The following SRSF4 variants were observed in gnomAD, a reference collection of about 807,000 sequenced individuals.
SRSF4 encodes serine/arginine-rich splicing factor 4.
Under a neutral mutation model 48.8 loss-of-function variants are expected in SRSF4, and 12 were observed. The ratio of observed to expected loss-of-function variants is 0.25; its 90% confidence interval spans 0.16 to 0.40. SRSF4 has a LOEUF of 0.40. Ranked by LOEUF, SRSF4 falls within the 10% of genes least tolerant of loss-of-function variation. SRSF4 has a pLI of 1.00. For missense variants in SRSF4, 466 were observed against 667.1 expected (o/e 0.70, Z 3.32); for synonymous variants, 248 against 232.5 (o/e 1.07, Z -0.61).
chr1:29,156,608 G>T (rs903856838), intron 3 of SRSF4, among the ~76,000 whole-genome samples: 2 of 152,140 alleles, frequency 1.3e-5, no homozygotes, highest in Non-Finnish European at 2.9e-5. Context: ...GGCAGAACCA[G>T]GATTCTATTC....
chr1:29,163,604 A>C (rs1357444776), intron 1 of SRSF4, among the ~76,000 whole-genome samples: 3 of 152,240 alleles, frequency 2.0e-5, no homozygotes, highest in Non-Finnish European at 4.4e-5. Context: ...TTAAGACAGA[A>C]GACTAGATAA....
chr1:29,161,623 CAG>C (rs1035439418), intron 1 of SRSF4, among the ~76,000 whole-genome samples: 1 of 152,188 alleles, frequency 6.6e-6, no homozygotes, highest in Non-Finnish European at 1.5e-5. Context: ...TTTTTTGAGA[CAG>C]AGTCTCGCTG....
intron 1 of SRSF4, among the ~76,000 whole-genome samples, chr1:29,178,510 C>CT (rs973205827): frequency 1.2e-4 from 18 of 151,764 alleles, no homozygotes; most frequent in African/African-American, 3.4e-4. Context: ...TGCCCGGCTA[C>CT]TTTTTTTTAA....
intron 3 of SRSF4, among the ~76,000 whole-genome samples, chr1:29,156,872 G>T (rs1672508512): frequency 6.6e-6 from 1 of 152,152 alleles, no homozygotes; most frequent in African/African-American, 2.4e-5. Context: ...AAGGCTCAGA[G>T]TTCTGGTCTC....
chr1:29,165,120 A>G (rs1012226291), intron 1 of SRSF4, among the ~76,000 whole-genome samples: 1 of 152,198 alleles, frequency 6.6e-6, no homozygotes, highest in Non-Finnish European at 1.5e-5. Flanking sequence ...CTCTGGTCAC[A>G]TTCTATCCTC....
At chr1:29,154,281 T>C (rs1330744584) in intron 4 of SRSF4, among the ~76,000 whole-genome samples, 1 of 152,042 alleles carries the variant, frequency 6.6e-6, no homozygotes, top group Non-Finnish European at 1.5e-5. Flanking sequence ...GCCAGGCTGG[T>C]CTCGACTCCT....
Position 29,157,683 on chromosome 1 carries a change from G to A in SRSF4, c.363+1691C>T, listed in dbSNP as rs558425581. ...TTAAATTAAACTATACAAATGTAAA[G>A]GATTCCTAACTATTCTTTCCTGAAC... On this transcript the variant is annotated intron_variant, in intron 3 of 5. Transcript: ENST00000373795. Among the ~76,000 whole-genome samples, 35 of 152,260 alleles carry A rather than the reference G, an allele frequency of 2.3e-4. 1 individual carries two copies. In the South Asian group the frequency reaches 4.8e-3, roughly 21 times the overall value.
At chr1:29,150,028 A>C (rs975349076) in intron 5 of SRSF4, 75 bp downstream of exon 5, 51 of 1,333,080 alleles carry the variant, frequency 3.8e-5, no homozygotes. Flanking sequence ...TCTTTGAAAA[A>C]AAAAAGAAAA....
At chr1:29,162,916 GTGATGCTTCTGTCAGA>G (rs1418439695) in intron 1 of SRSF4, among the ~76,000 whole-genome samples, 3 of 152,220 alleles carry the variant, frequency 2.0e-5, no homozygotes, top group Non-Finnish European at 4.4e-5. Context: ...CTGATGGCAA[GTGATGCTTCTGTCAGA>G]CCTACATGGT....
Position 29,148,574 on chromosome 1 carries a change from G to T in SRSF4, c.1321C>A (p.Arg441=). 1.9e-6 allele frequency: 3 copies of T among 1,614,024 alleles called. No individual in the cohort carries two copies. Among genetic ancestry groups the T allele is most frequent in the Non-Finnish European group, 2.5e-6 (3 of 1,180,004 alleles). ...SENAGTNQET[R]SRSRSNSKSK... ...TTGGAATTGGATCTCGACCTGGACCGGGTCTCCTGATTGGTGCCAGCATTC... is the reference window on the plus strand; with the variant it reads ...TTGGAATTGGATCTCGACCTGGACCTGGTCTCCTGATTGGTGCCAGCATTC... Residue 441 remains arginine (R), a synonymous_variant, in exon 6 of 6, where the codon CGG becomes AGG. Transcript: ENST00000373795.
At chr1:29,166,605 A>G (rs545742352) in intron 1 of SRSF4, 3 of 152,348 alleles carry the variant, frequency 2.0e-5, no homozygotes, top group African/African-American at 7.2e-5. Context: ...ACCACATGAA[A>G]TGGGTTCCTG....
chr1:29,177,581 C>T (rs1672889297), intron 1 of SRSF4, among the ~76,000 whole-genome samples: 1 of 152,046 alleles, frequency 6.6e-6, no homozygotes, highest in Non-Finnish European at 1.5e-5. Context: ...CGTGCCAGGC[C>T]CTTGCAGTGA....
At chr1:29,158,748 C>T (rs970947986) in intron 3 of SRSF4, among the ~76,000 whole-genome samples, 5 of 152,268 alleles carry the variant, frequency 3.3e-5, no homozygotes, top group South Asian at 2.1e-4. Flanking sequence ...CGAGACCAGT[C>T]GGGGTAACAT....
At chr1:29,176,768 A>G (rs556115376) in intron 1 of SRSF4, among the ~76,000 whole-genome samples, 1 of 152,336 alleles carries the variant, frequency 6.6e-6, no homozygotes, top group Admixed American at 6.5e-5. Context: ...AACAAGGGCG[A>G]AAACAAAAAT....
At position 29,181,741 on chromosome 1, in the gene SRSF4, C is replaced by T. The variant is rs1672961749; in HGVS notation, c.12G>A (p.Val4=). The change falls in exon 1 of 6, where the codon GTG becomes GTA. Residue 4 remains valine, a synonymous_variant. Transcript: ENST00000373795. Reference sequence around the variant, plus strand: ...CCTGGTAGCTCAGGCGGCCGATGTACACCCGCGGCATCCCGGCAACGGCAG... The same window carrying T: ...CCTGGTAGCTCAGGCGGCCGATGTATACCCGCGGCATCCCGGCAACGGCAG... MPR[V]YIGRLSYQAR... is the part of the protein sequence containing the mutation. 2 of 1,582,270 alleles carry T rather than the reference C, an allele frequency of 1.3e-6. No individual in the cohort carries two copies. The highest frequency in any genetic ancestry group is 2.3e-5 in the South Asian group (2 of 87,922).
chr1:29,177,071 A>G (rs571422113), intron 1 of SRSF4, among the ~76,000 whole-genome samples: 101 of 152,366 alleles, frequency 6.6e-4, no homozygotes, highest in Non-Finnish European at 1.1e-3. Context: ...TAAAACCACA[A>G]GATTTTATGA....
intron 3 of SRSF4, among the ~76,000 whole-genome samples, chr1:29,158,633 C>T (rs1672541571): frequency 6.6e-6 from 1 of 152,042 alleles, no homozygotes; most frequent in African/African-American, 2.4e-5. Flanking sequence ...GGGTTTCAAA[C>T]ATTCTTTACA....
chr1:29,176,294 G>T (rs1574203705), intron 1 of SRSF4, among the ~76,000 whole-genome samples: 1 of 151,876 alleles, frequency 6.6e-6, no homozygotes, highest in African/African-American at 2.4e-5. Flanking sequence ...ACAAATAGGT[G>T]GTAGGGTTCC....
intron 1 of SRSF4, among the ~76,000 whole-genome samples, chr1:29,164,089 G>C (rs1048819387): frequency 5.3e-5 from 8 of 152,174 alleles, no homozygotes; most frequent in African/African-American, 1.9e-4. Flanking sequence ...GGGATCAAGG[G>C]ATCCTGCGGC....
Sources: allele counts gnomAD v4.1 joint callset (sites outside exome capture counted in the v4.1 genomes callset), GRCh38; gene constraint gnomAD v4.1.1; transcripts MANE v1.5; gene names NCBI Gene and HGNC (gene_info 2026-07-23, HGNC 2026-07-21).